The following FAT3 variants were observed in gnomAD, a reference collection of about 807,000 sequenced individuals.
FAT3 encodes protocadherin Fat 3.
In FAT3, 95 loss-of-function variants were observed where a neutral mutation model predicts 310.2. The ratio of observed to expected loss-of-function variants is 0.31; its 90% CI spans 0.26 to 0.36. The LOEUF is 0.36. FAT3 is among the 10% of genes least tolerant of loss of function. The pLI is 1.00. For synonymous variants in FAT3, 2,314 were observed against 2,192.9 expected, an observed-to-expected ratio of 1.06 and a Z score of -1.54; for missense variants, 5,408 against 5,715.6, an observed-to-expected ratio of 0.95 and a Z score of 1.74.
intron 1 of FAT3, among the ~76,000 whole-genome samples, chr11:92,348,707 A>G (rs1338565821): frequency 6.6e-6 from 1 of 152,284 alleles, no homozygotes; most frequent in East Asian, 1.9e-4. Flanking sequence ...GAGTCCTGGC[A>G]TTAGGGGAAT....
At chr11:92,437,232 C>T (rs1950959250) in intron 2 of FAT3, among the ~76,000 whole-genome samples, 1 of 152,186 alleles carries the variant, frequency 6.6e-6, no homozygotes, top group Non-Finnish European at 1.5e-5. Flanking sequence ...ATTTAAGCTA[C>T]TCTTAACATC....
chr11:92,624,914 G>A (rs779961943), intron 3 of FAT3, among the ~76,000 whole-genome samples: 1 of 152,144 alleles, frequency 6.6e-6, no homozygotes, highest in Non-Finnish European at 1.5e-5. Flanking sequence ...TATTGTTATC[G>A]TATGTCTCTT....
In FAT3 at chr11:92,397,255, C is replaced by T. The variant is rs1020764204; in HGVS notation, c.3292+41851C>T. Reference sequence around the variant, plus strand: ...TTTTTGGGGGGAGTTGGGCACTAAGCAGTACATTTGCCCAGATGTTAAAAG... The same window carrying T: ...TTTTTGGGGGGAGTTGGGCACTAAGTAGTACATTTGCCCAGATGTTAAAAG... On this transcript the variant is annotated intron_variant, in intron 2 of 27. Coordinates refer to ENST00000525166, the MANE Select transcript of FAT3 (RefSeq NM_001367949.2). Among the ~76,000 whole-genome samples, 24 of 152,106 alleles carry T rather than the reference C, an allele frequency of 1.6e-4. No homozygotes were observed. The South Asian group carries it at 3.5e-3, about 22-fold the overall frequency.
chr11:92,555,060 A>G (rs970618275), intron 3 of FAT3, among the ~76,000 whole-genome samples: 1 of 152,164 alleles, frequency 6.6e-6, no homozygotes. Context: ...AAGCTTTGAG[A>G]CCACACACAC....
chr11:92,557,554 TG>T (rs1459287719), intron 3 of FAT3, among the ~76,000 whole-genome samples: 2 of 152,218 alleles, frequency 1.3e-5, no homozygotes, highest in Non-Finnish European at 2.9e-5. Context: ...CCCAGGCCAC[TG>T]ATCTCCTTAG....
Position 92,352,212 on chromosome 11 carries a change from C to A in FAT3, c.100C>A (p.Pro34Thr), listed in dbSNP as rs1220374003. 7.2e-7 allele frequency: 1 copy of A among 1,380,302 alleles called. No homozygotes were observed. Among genetic ancestry groups the A allele is most frequent in the South Asian group, 1.1e-5 (1 of 88,152 alleles). The allele number at this position is 1,380,302 out of a possible 1,614,324, so 85.5% of individuals were successfully genotyped here. The stretch of plus-strand genomic sequence containing the variant: ...TTTGGCCACTGTCTCCCAGGGGCTG[C>A]CAGGGACTGGACCCCTGGGCTTCCA... ...KLLATVSQGL[P>T]GTGPLGFHFT... The change falls in exon 2 of 28, where the codon CCA (proline) becomes ACA (threonine). Residue 34 changes from proline to threonine, a missense_variant. Pro to Thr is a conservative substitution (Grantham distance 38). Coordinates refer to ENST00000525166, the MANE Select transcript of FAT3 (RefSeq NM_001367949.2).
intron 3 of FAT3, among the ~76,000 whole-genome samples, chr11:92,554,171 G>A (rs1174886104): frequency 6.6e-6 from 1 of 151,882 alleles, no homozygotes; most frequent in East Asian, 2.0e-4. Flanking sequence ...GAAAGAAAAT[G>A]AATGGAGGAG....
At position 92,890,541 on chromosome 11, in the gene FAT3, A is replaced by G. The variant is rs778759830; in HGVS notation, c.13198A>G (p.Ile4400Val). 3.1e-6 allele frequency: 5 copies of G among 1,612,502 alleles called. No homozygotes were observed. Among genetic ancestry groups the G allele is most frequent in the Non-Finnish European group, 4.2e-6 (5 of 1,179,522 alleles). ...DWMPGARLSD[I>V]EEVPNYENQD... ...GATGCCAGGGGCCCGCCTGTCGGAC[A>G]TAGAGGAAGTGCCCAACTATGAGAA... The change falls in exon 28 of 28, where the codon ATA becomes GTA. Residue 4400 changes from isoleucine (I) to valine (V), a missense_variant. By Grantham distance (29) the Ile-to-Val change is conservative. Coordinates refer to ENST00000525166, the MANE Select transcript of FAT3 (RefSeq NM_001367949.2).
intron 3 of FAT3, among the ~76,000 whole-genome samples, chr11:92,618,427 C>T (rs999267592): frequency 6.6e-6 from 1 of 152,200 alleles, no homozygotes; most frequent in African/African-American, 2.4e-5. Context: ...CCTTGCACTT[C>T]CAGGGTGAGG....
intron 2 of FAT3, among the ~76,000 whole-genome samples, chr11:92,380,886 A>G (rs1949478938): frequency 6.6e-6 from 1 of 152,222 alleles, no homozygotes; most frequent in African/African-American, 2.4e-5. Context: ...CTCACATAGT[A>G]TAAAATTCCC....
chr11:92,402,844 C>CA (rs747991950), intron 2 of FAT3, among the ~76,000 whole-genome samples: 3,883 of 131,138 alleles, frequency 0.03, 70 homozygotes, highest in South Asian at 0.05. Flanking sequence ...TATCAAAAAC[C>CA]AAAAAAAAAA....
In FAT3 at chr11:92,799,209, G is replaced by A; in HGVS notation, c.6196G>A (p.Ala2066Thr). The change falls in exon 10 of 28, where the codon GCC becomes ACC. Residue 2066 changes from alanine to threonine, a missense_variant. Ala to Thr is a moderately conservative substitution (Grantham distance 58). Around this residue, in one of 5 missense-constraint regions of FAT3, gnomAD observed 4,588 missense variants for 4,809.8 expected, o/e 0.95. Transcript: ENST00000525166. ...ASRELDHLRV[A>T]RVVVRVNIED... ...CCGTGAGCTGGACCATCTGCGTGTG[G>A]CCAGAGTGGTGGTCAGGGTTAACAT... The A allele has an allele frequency of 6.2e-7, 1 of 1,613,922 alleles. No homozygotes were observed. The highest frequency in any genetic ancestry group is 8.5e-7 in the Non-Finnish European group (1 of 1,179,854).
At position 92,844,565 on chromosome 11, in the gene FAT3, T is replaced by A. The variant is rs763747892; in HGVS notation, c.11198T>A (p.Met3733Lys). ...GCTAGAAGACACCTGGAGAATATCA[T>A]GCGCATCTCAGCCATCTTGGAGAAG... The part of the protein sequence containing the change: ...SNARRHLENI[M>K]RISAILEKNC... The change falls in exon 19 of 28, where the codon ATG (methionine) becomes AAG (lysine). Residue 3733 changes from methionine (M) to lysine (K), a missense_variant. By Grantham distance (95) the Met-to-Lys change is moderately conservative. This residue lies in a region of FAT3 where 4,588 missense variants were observed against 4,809.8 expected (regional missense o/e 0.95). Coordinates refer to ENST00000525166, the MANE Select transcript of FAT3 (RefSeq NM_001367949.2). The A allele has an allele frequency of 7.4e-6, 12 of 1,613,890 alleles. No homozygotes were observed. Among genetic ancestry groups the A allele is most frequent in the African/African-American group, 1.3e-5 (1 of 74,938 alleles).
At chr11:92,592,875 G>A (rs1334762105) in intron 3 of FAT3, among the ~76,000 whole-genome samples, 4 of 151,962 alleles carry the variant, frequency 2.6e-5, no homozygotes, top group African/African-American at 9.7e-5. Flanking sequence ...ATAAAATTCA[G>A]TAGTATTACG....
chr11:92,421,386 TAGG>T (rs1430278508), intron 2 of FAT3, among the ~76,000 whole-genome samples: 1 of 152,316 alleles, frequency 6.6e-6, no homozygotes, highest in East Asian at 1.9e-4. Context: ...GGTTCTGTAT[TAGG>T]AGGTTTTAAT....
chr11:92,800,209 A>T lies in FAT3; in HGVS notation c.7196A>T (p.Tyr2399Phe). 2 of 1,614,004 alleles carry T rather than the reference A, an allele frequency of 1.2e-6. No individual in the cohort carries two copies. The highest frequency in any genetic ancestry group is 1.7e-6 in the Non-Finnish European group (2 of 1,179,876). ...CCTCCAGTTTTTAATCAGCTCATTT[A>T]TGAGTCATATGTGAGTGAATTAGCC... ...DNPPVFNQLI[Y>F]ESYVSELAPR... is the part of the protein sequence containing the mutation. Residue 2399 changes from tyrosine to phenylalanine, a missense_variant, in exon 10 of 28, where the codon TAT becomes TTT. Around this residue, in one of 5 missense-constraint regions of FAT3, gnomAD observed 4,588 missense variants for 4,809.8 expected, o/e 0.95. Transcript: ENST00000525166.
intron 1 of FAT3, among the ~76,000 whole-genome samples, chr11:92,256,186 A>G (rs1484028899): frequency 6.6e-6 from 1 of 152,076 alleles, no homozygotes; most frequent in Admixed American, 6.6e-5. Flanking sequence ...TTTAGGATCT[A>G]TCTTTTGGCA....
At chr11:92,253,314 C>T (rs952783327) in intron 1 of FAT3, among the ~76,000 whole-genome samples, 7 of 152,072 alleles carry the variant, frequency 4.6e-5, no homozygotes, top group African/African-American at 1.7e-4. Flanking sequence ...AAAACAAGTT[C>T]ATCACACCAT....
intron 1 of FAT3, among the ~76,000 whole-genome samples, chr11:92,313,493 GCTT>G (rs781034280): frequency 9.2e-5 from 14 of 152,094 alleles, no homozygotes; most frequent in Admixed American, 6.6e-5. Flanking sequence ...TTATGTTTCT[GCTT>G]CTTTTTAATG....
Sources: gnomAD v4.1 joint callset for allele counts (sites outside exome capture counted in the v4.1 genomes callset) on GRCh38, gnomAD v4.1.1 for gene constraint, gnomAD v4.1.1 regional missense constraint, MANE v1.5 for transcripts, NCBI Gene and HGNC (gene_info 2026-07-23, HGNC 2026-07-21) for gene names.